The following TBC1D2B variants were observed in gnomAD, a reference collection of about 807,000 sequenced individuals.
The protein encoded by TBC1D2B is TBC1 domain family, member 2B.
In TBC1D2B, 64 loss-of-function variants were observed where a neutral mutation model predicts 100.8. The observed-to-expected ratio is 0.64, with a 90% confidence interval of 0.52 to 0.78. The LOEUF is 0.78. Ranked by LOEUF, TBC1D2B falls within the 30% of genes least tolerant of loss-of-function variation. The pLI, the probability that TBC1D2B is intolerant of heterozygous loss-of-function variation, is 0.00. For synonymous variants in TBC1D2B, 480 were observed against 479.7 expected (o/e 1.00, Z -0.01); for missense variants, 1,052 against 1,218.4 (o/e 0.86, Z 2.03).
intron 1 of TBC1D2B, among the ~76,000 whole-genome samples, chr15:78,072,382 C>T (rs1365390880): frequency 6.6e-6 from 1 of 152,176 alleles, no homozygotes; most frequent in East Asian, 1.9e-4. Context: ...AAGTTAAATT[C>T]CCATAACTTA....
At chr15:78,008,329 G>A (rs940429012) in intron 10 of TBC1D2B, among the ~76,000 whole-genome samples, 4 of 152,228 alleles carry the variant, frequency 2.6e-5, no homozygotes, top group African/African-American at 4.8e-5. Flanking sequence ...GGAGGTGACT[G>A]CAGGCCCCAC....
rs2071730997 is a variant in TBC1D2B, at chr15:77,995,629, T to A, written c.*2531A>T. On this transcript the variant is annotated 3_prime_UTR_variant, in exon 13 of 13. Coordinates refer to ENST00000300584, the MANE Select transcript of TBC1D2B (RefSeq NM_144572.2). Reference sequence around the variant, plus strand: ...ATAAAAATATAAACTGTAGTGAGAGTGTACAAAAGTATTAACAGAGGTTCA... The same window carrying A: ...ATAAAAATATAAACTGTAGTGAGAGAGTACAAAAGTATTAACAGAGGTTCA... 1 of 152,338 alleles carries A rather than the reference T, an allele frequency of 6.6e-6. No homozygotes were observed. Among genetic ancestry groups the A allele is most frequent in the Non-Finnish European group, 1.5e-5 (1 of 68,022 alleles). 9.4% of individuals were successfully genotyped at this position (152,338 alleles called of 1,614,324 possible).
At chr15:78,034,430 T>C in intron 3 of TBC1D2B, 1 of 922,864 alleles carries the variant, frequency 1.1e-6, no homozygotes, top group African/African-American at 1.8e-5. Flanking sequence ...TCAGGTGGCA[T>C]GTGACTACCA....
intron 3 of TBC1D2B, among the ~76,000 whole-genome samples, chr15:78,039,557 C>G (rs770052468): frequency 9.9e-5 from 15 of 152,120 alleles, no homozygotes; most frequent in Non-Finnish European, 1.9e-4. Context: ...GGCACCCCAT[C>G]CACCTGACTC....
chr15:78,053,928 T>C, intron 2 of TBC1D2B, 106 bp downstream of exon 2: 1 of 1,241,118 alleles, frequency 8.1e-7, no homozygotes, highest in Non-Finnish European at 1.1e-6. Context: ...GGTAGCATCA[T>C]TATTATTTTC....
At chr15:78,042,547 T>C (rs2141763828) in intron 3 of TBC1D2B, among the ~76,000 whole-genome samples, 1 of 152,282 alleles carries the variant, frequency 6.6e-6, no homozygotes, top group South Asian at 2.1e-4. Flanking sequence ...AGCCCAATAC[T>C]TTGAAACAGA....
At chr15:78,065,957 G>C (rs893647041) in intron 1 of TBC1D2B, 7 of 467,154 alleles carry the variant, frequency 1.5e-5, no homozygotes, top group Non-Finnish European at 2.7e-5. Context: ...AGGAGTATCA[G>C]ATGGTCGTCC....
Position 78,024,504 on chromosome 15 carries a change from T to G in TBC1D2B, c.1122A>C (p.Ser374=). ...LVRLLQQTVR[S]SQYDKYFTSS... The stretch of plus-strand genomic sequence containing the variant: ...TTGTGAAATACTTGTCATACTGGGA[T>G]GACCGGACTGTCTGCTGGAGCAGTC... The change falls in exon 6 of 13, where the codon TCA becomes TCC. Residue 374 remains serine, a synonymous_variant. Transcript: ENST00000300584. 6.2e-7 allele frequency: 1 copy of G among 1,613,682 alleles called. No homozygotes were observed. The highest frequency in any genetic ancestry group is 8.5e-7 in the Non-Finnish European group (1 of 1,179,682).
chr15:78,005,324 C>T (rs2072037187), intron 10 of TBC1D2B, among the ~76,000 whole-genome samples: 1 of 152,196 alleles, frequency 6.6e-6, no homozygotes, highest in African/African-American at 2.4e-5. Context: ...TGGCACAGAA[C>T]ATGCACTCAA....
chr15:78,068,761 C>A (rs1567036023), intron 1 of TBC1D2B, among the ~76,000 whole-genome samples: 2 of 152,164 alleles, frequency 1.3e-5, no homozygotes, highest in Non-Finnish European at 2.9e-5. Flanking sequence ...GCACTCCAGG[C>A]AAAGTACTTC....
At chr15:78,031,574 A>AAAAAAGAG (rs1452770906) in intron 3 of TBC1D2B, among the ~76,000 whole-genome samples, 1 of 147,506 alleles carries the variant, frequency 6.8e-6, no homozygotes, top group South Asian at 2.1e-4. Context: ...AAAAAAAAAA[A>AAAAAAGAG]AGAGAGAGAG....
chr15:78,016,457 T>C, intron 8 of TBC1D2B, 89 bp downstream of exon 8: 1 of 1,241,566 alleles, frequency 8.1e-7, no homozygotes, highest in East Asian at 2.5e-5. Context: ...CACACAGTTG[T>C]GTACGGCTCT....
At chr15:78,073,217 T>C (rs2073768109) in intron 1 of TBC1D2B, among the ~76,000 whole-genome samples, 1 of 152,118 alleles carries the variant, frequency 6.6e-6, no homozygotes, top group Admixed American at 6.5e-5. Context: ...CCAGATCAAA[T>C]CCCTAAGTTT....
chr15:78,005,452 T>A, intron 10 of TBC1D2B, among the ~76,000 whole-genome samples: 1 of 152,226 alleles, frequency 6.6e-6, no homozygotes, highest in South Asian at 2.1e-4. Context: ...AGCCCAGTGC[T>A]CAGGGTTGAC....
intron 1 of TBC1D2B, among the ~76,000 whole-genome samples, chr15:78,059,042 A>C (rs546639217): frequency 6.6e-6 from 1 of 151,326 alleles, no homozygotes; most frequent in Non-Finnish European, 1.5e-5. Context: ...CTCCCCTAAC[A>C]CCAGTCTCCT....
At chr15:78,030,937 T>G (rs2072792726) in intron 3 of TBC1D2B, among the ~76,000 whole-genome samples, 1 of 152,192 alleles carries the variant, frequency 6.6e-6, no homozygotes, top group African/African-American at 2.4e-5. Flanking sequence ...GCCTACAACA[T>G]GCCAGGCAAT....
chr15:78,025,206 C>T (rs2072627852), intron 5 of TBC1D2B, 53 bp downstream of exon 5: 2 of 1,515,828 alleles, frequency 1.3e-6, no homozygotes, highest in African/African-American at 2.8e-5. Flanking sequence ...TTTACTCCTC[C>T]CGTCCTTGGC....
intron 3 of TBC1D2B, 69 bp downstream of exon 3, chr15:78,044,831 T>C: frequency 3.7e-6 from 5 of 1,355,734 alleles, no homozygotes; most frequent in Non-Finnish European, 5.0e-6. Context: ...ACTTCATTTA[T>C]AAAATTATAA....
chr15:78,077,191 C>T (rs537686360), intron 1 of TBC1D2B, 102 bp downstream of exon 1: 6 of 1,363,104 alleles, frequency 4.4e-6, no homozygotes, highest in African/African-American at 3.1e-5. Context: ...TGGGCAGGGG[C>T]GAGGAGGCCT....
Sources: gnomAD v4.1 joint callset for allele counts (sites outside exome capture counted in the v4.1 genomes callset) on GRCh38, gnomAD v4.1.1 for gene constraint, MANE v1.5 for transcripts, NCBI Gene and HGNC (gene_info 2026-07-23, HGNC 2026-07-21) for gene names.